Variants in FMN1 observed in about 807,000 individuals in gnomAD.
FMN1 encodes the protein formin 1, also known as formin-1.
FMN1 carries 110 observed loss-of-function variants against 132.4 expected under a neutral mutation model. The ratio of observed to expected loss-of-function variants is 0.83; its 90% CI spans 0.71 to 0.97. The LOEUF is 0.97. Among genes scored for constraint, FMN1 ranks in the 50% least tolerant of loss-of-function variants. The pLI is 0.00. For missense variants in FMN1, 1,792 were observed against 1,705.3 expected (o/e 1.05, Z -0.90); for synonymous variants, 722 against 651.7 (o/e 1.11, Z -1.64).
chr15:32,844,220 G>C (rs891753712), intron 17 of FMN1, among the ~76,000 whole-genome samples: 9 of 152,314 alleles, frequency 5.9e-5, no homozygotes, highest in African/African-American at 1.7e-4. Context: ...GCCCATTAAA[G>C]TTGTTAATTA....
chr15:32,862,055 G>A (rs998710193), intron 16 of FMN1, among the ~76,000 whole-genome samples: 1 of 152,100 alleles, frequency 6.6e-6, no homozygotes, highest in African/African-American at 2.4e-5. Context: ...ACAGAGCCAC[G>A]CGCCCCGGAG....
chr15:33,176,531 C>T (rs1330850376), intron 3 of FMN1, among the ~76,000 whole-genome samples: 1 of 136,578 alleles, frequency 7.3e-6, no homozygotes, highest in Non-Finnish European at 1.6e-5. Context: ...AAAAAAAAAT[C>T]ATTCCTGGAG....
intron 4 of FMN1, among the ~76,000 whole-genome samples, chr15:33,146,684 C>A (rs1964235236): frequency 6.6e-6 from 1 of 152,032 alleles, no homozygotes; most frequent in Non-Finnish European, 1.5e-5. Flanking sequence ...AGCCCAGGGG[C>A]CACAAAGATA....
At chr15:33,063,899 A>G (rs146000628) in intron 6 of FMN1, 3 of 152,216 alleles carry the variant, frequency 2.0e-5, no homozygotes, top group Non-Finnish European at 4.4e-5. Context: ...GTGGGAAAGA[A>G]GACTTAAATT....
At chr15:32,861,181 A>G (rs1000389807) in intron 16 of FMN1, among the ~76,000 whole-genome samples, 1 of 152,240 alleles carries the variant, frequency 6.6e-6, no homozygotes, top group African/African-American at 2.4e-5. Flanking sequence ...AGTATAAAAC[A>G]TGCCTGCAAT....
At chr15:32,856,762 C>T (rs1435858273) in intron 17 of FMN1, among the ~76,000 whole-genome samples, 1 of 152,132 alleles carries the variant, frequency 6.6e-6, no homozygotes, top group Non-Finnish European at 1.5e-5. Context: ...AGTTTGTCCT[C>T]AGAGAATTTA....
At chr15:33,003,580 A>G (rs1435797598) in intron 7 of FMN1, among the ~76,000 whole-genome samples, 3 of 152,208 alleles carry the variant, frequency 2.0e-5, no homozygotes, top group African/African-American at 4.8e-5. Flanking sequence ...TTCTATGCTC[A>G]TGGGTAAGAA....
intron 6 of FMN1, among the ~76,000 whole-genome samples, chr15:33,018,779 C>T (rs972118131): frequency 7.2e-5 from 11 of 152,126 alleles, no homozygotes; most frequent in Non-Finnish European, 1.5e-4. Flanking sequence ...CGGAGTTTCT[C>T]CCTTCTGGTG....
intron 17 of FMN1, among the ~76,000 whole-genome samples, chr15:32,851,016 C>T (rs2058996384): frequency 6.6e-6 from 1 of 151,762 alleles, no homozygotes; most frequent in Non-Finnish European, 1.5e-5. Context: ...CAAGATCGCG[C>T]CACTGCACTA....
chr15:32,978,981 T>G (rs2032427338), intron 7 of FMN1, among the ~76,000 whole-genome samples: 1 of 152,196 alleles, frequency 6.6e-6, no homozygotes, highest in Non-Finnish European at 1.5e-5. Flanking sequence ...TTGAGTTCTT[T>G]CTGGTGTAAA....
At chr15:33,164,649 C>G (rs1351945403) in intron 3 of FMN1, among the ~76,000 whole-genome samples, 1 of 152,186 alleles carries the variant, frequency 6.6e-6, no homozygotes, top group Non-Finnish European at 1.5e-5. Flanking sequence ...TGAGTATTAG[C>G]TTTCCACATG....
intron 2 of FMN1, among the ~76,000 whole-genome samples, chr15:33,192,230 A>G (rs1439013097): frequency 6.6e-6 from 1 of 152,212 alleles, no homozygotes; most frequent in African/African-American, 2.4e-5. Context: ...GATAGGAGAG[A>G]AGCATTTCTC....
chr15:32,825,436 T>G (rs2058340321), intron 17 of FMN1, among the ~76,000 whole-genome samples: 1 of 152,234 alleles, frequency 6.6e-6, no homozygotes. Context: ...GTGTTCTTTC[T>G]GCGTACGATG....
intron 16 of FMN1, among the ~76,000 whole-genome samples, chr15:32,862,532 G>T (rs1423030799): frequency 6.6e-6 from 1 of 152,122 alleles, no homozygotes; most frequent in Non-Finnish European, 1.5e-5. Context: ...GAAAGATATG[G>T]CCTAGACTAT....
At chr15:33,172,136 A>G (rs1342256164) in intron 3 of FMN1, among the ~76,000 whole-genome samples, 1 of 151,880 alleles carries the variant, frequency 6.6e-6, no homozygotes, top group African/African-American at 2.4e-5. Flanking sequence ...TGAACCTGGA[A>G]GGCGGAGCTT....
At chr15:32,908,373 C>T (rs1305024616) in intron 12 of FMN1, 117 bp downstream of exon 12, 7 of 665,604 alleles carry the variant, frequency 1.1e-5, no homozygotes, top group African/African-American at 3.6e-5. Context: ...ACAGGAATGA[C>T]GGTGTTGTGA....
At chr15:33,118,613 G>A (rs945965841) in intron 4 of FMN1, among the ~76,000 whole-genome samples, 3 of 152,068 alleles carry the variant, frequency 2.0e-5, no homozygotes, top group African/African-American at 4.8e-5. Flanking sequence ...TAGGAAACAA[G>A]AAATCAGAAA....
chr15:32,944,184 C>T (rs1223566610), intron 9 of FMN1, among the ~76,000 whole-genome samples: 1 of 152,206 alleles, frequency 6.6e-6, no homozygotes, highest in African/African-American at 2.4e-5. Context: ...TGGAAATATG[C>T]AATTGTTACT....
chr15:33,076,282 T>C (rs898616544), intron 5 of FMN1, among the ~76,000 whole-genome samples: 44 of 152,210 alleles, frequency 2.9e-4, no homozygotes, highest in Non-Finnish European at 5.9e-5. Flanking sequence ...TGTGACTAAG[T>C]TGCTCCTGAT....
Sources: allele counts gnomAD v4.1 joint callset (sites outside exome capture counted in the v4.1 genomes callset), GRCh38; gene constraint gnomAD v4.1.1; transcripts MANE v1.5; gene names NCBI Gene and HGNC (gene_info 2026-07-23, HGNC 2026-07-21).